Variants in DCPS observed in about 807,000 individuals in gnomAD.
The protein encoded by DCPS is decapping enzyme, scavenger.
A neutral mutation model predicts 34.7 loss-of-function variants in DCPS; 27 were observed. That is an observed-to-expected ratio of 0.78 (90% CI 0.57 to 1.07). The LOEUF is 1.07. Ranked by LOEUF, DCPS falls within the 50% of genes least tolerant of loss-of-function variation. The probability of loss-of-function intolerance (pLI) is 0.00; values close to 1 mark genes in which losing one functional copy is unlikely to be tolerated. For missense variants in DCPS, 464 were observed against 436.9 expected (o/e 1.06, Z -0.55); for synonymous variants, 185 against 185.7 (o/e 1.00, Z 0.03).
rs1422837657 is a variant in DCPS at position 126,335,307 on chromosome 11, G to T, written c.523-2979G>T. On this transcript the variant is annotated intron_variant, in intron 3 of 5. Coordinates refer to ENST00000263579, the MANE Select transcript of DCPS (RefSeq NM_014026.6). This position sits in a 1 kb window ranked among gnomAD's most constrained non-coding sequence, Gnocchi z 4.8. ...ACTGCAAAGAAGTCCAGCCAGGTGAGTTGCAGAAAGCTGATGGCATCACCC... is the reference window on the plus strand; with the variant it reads ...ACTGCAAAGAAGTCCAGCCAGGTGATTTGCAGAAAGCTGATGGCATCACCC... 6.6e-6 allele frequency among the ~76,000 whole-genome samples: 1 copy of T among 152,256 alleles called. No individual in the cohort carries two copies. Among genetic ancestry groups the T allele is most frequent in the Non-Finnish European group, 1.5e-5 (1 of 68,042 alleles).
intron 5 of DCPS, among the ~76,000 whole-genome samples, chr11:126,343,916 A>G (rs1951896991): frequency 6.6e-6 from 1 of 152,204 alleles, no homozygotes; most frequent in South Asian, 2.1e-4. Context: ...TCGGGGCTCT[A>G]AACAGAGCCC....
chr11:126,327,873 T>G lies in DCPS; in HGVS notation c.377-3532T>G, dbSNP rs1324633083. On this transcript the variant is annotated intron_variant, in intron 2 of 5. Coordinates refer to ENST00000263579, the MANE Select transcript of DCPS (RefSeq NM_014026.6). The surrounding 1 kb of genome is among the most constrained non-coding windows in gnomAD (Gnocchi z 4.1). ...TTTTCTTCCGGAAGCTGCATAGTAGTTGGGGAGTCAGACAGTCCATCCACC... is the reference window on the plus strand; with the variant it reads ...TTTTCTTCCGGAAGCTGCATAGTAGGTGGGGAGTCAGACAGTCCATCCACC... Among the ~76,000 whole-genome samples the G allele has an allele frequency of 6.6e-6, 1 of 152,212 alleles. No individual in the cohort carries two copies. The highest frequency in any genetic ancestry group is 1.9e-4 in the East Asian group (1 of 5,200).
chr11:126,318,408 G>A lies in DCPS; in HGVS notation c.376+11664G>A, dbSNP rs533952859. Among the ~76,000 whole-genome samples, 8 of 152,320 alleles carry A rather than the reference G, an allele frequency of 5.3e-5. No homozygotes were observed. The East Asian group carries it at 1.5e-3, about 29-fold the overall frequency. On this transcript the variant is annotated intron_variant, in intron 2 of 5. Transcript: ENST00000263579. ...GATGACTTAAGATCCACGGCAGCCA[G>A]CCTTCCCTCCACCCTCTGGCCTGGT...
intron 1 of DCPS, among the ~76,000 whole-genome samples, chr11:126,306,291 T>C (rs1951564804): frequency 6.6e-6 from 1 of 152,020 alleles, no homozygotes; most frequent in Non-Finnish European, 1.5e-5. Flanking sequence ...GAGAATTGTT[T>C]GAGCCCAGGA....
chr11:126,344,499 T>C lies in DCPS; in HGVS notation c.748-848T>C, dbSNP rs1284928929. Among the ~76,000 whole-genome samples, 1 of 152,152 alleles carries C rather than the reference T, an allele frequency of 6.6e-6. No homozygotes were observed. The highest frequency in any genetic ancestry group is 6.5e-5 in the Admixed American group (1 of 15,276). On this transcript the variant is annotated intron_variant, in intron 5 of 5. Coordinates refer to ENST00000263579, the MANE Select transcript of DCPS (RefSeq NM_014026.6). This position sits in a 1 kb window ranked among gnomAD's most constrained non-coding sequence, Gnocchi z 8.1. ...TACTCCAGGAAGCCCCTCGGGTGCC[T>C]TGGCCCTGGTCTCGCCCCGCTGCAG...
rs76667195 is a variant in DCPS at position 126,345,276 on chromosome 11, C to A, written c.748-71C>A. 18 of 1,584,286 alleles carry A rather than the reference C, an allele frequency of 1.1e-5. No individual in the cohort carries two copies. In the African/African-American group the frequency reaches 2.0e-4, roughly 18 times the overall value. On this transcript the variant is annotated intron_variant, in intron 5 of 5. Coordinates refer to ENST00000263579, the MANE Select transcript of DCPS (RefSeq NM_014026.6). This position sits in a 1 kb window ranked among gnomAD's most constrained non-coding sequence, Gnocchi z 7.4. ...TCCAGGATTCAGATGGGAGGAGGGTCTAGGTGGGGACATGGCGCCGGGCCT... is the reference window on the plus strand; with the variant it reads ...TCCAGGATTCAGATGGGAGGAGGGTATAGGTGGGGACATGGCGCCGGGCCT...
At position 126,322,906 on chromosome 11, in the gene DCPS, C is replaced by G. The variant is rs1951718361; in HGVS notation, c.377-8499C>G. 6.6e-6 allele frequency among the ~76,000 whole-genome samples: 1 copy of G among 152,232 alleles called. No individual in the cohort carries two copies. The highest frequency in any genetic ancestry group is 6.5e-5 in the Admixed American group (1 of 15,280). ...CCAGTGGTACAGTCATAGCTCATGG[C>G]AGCCTCAAACTCCCGAGTTCAAGTG... On this transcript the variant is annotated intron_variant, in intron 2 of 5. Coordinates refer to ENST00000263579, the MANE Select transcript of DCPS (RefSeq NM_014026.6). This position sits in a 1 kb window ranked among gnomAD's most constrained non-coding sequence, Gnocchi z 4.2.
At position 126,347,188 on chromosome 11, in the gene DCPS, C is replaced by T. The variant is rs1591395462; in HGVS notation, c.*1575C>T. On this transcript the variant is annotated 3_prime_UTR_variant, in exon 6 of 6. Coordinates refer to ENST00000263579, the MANE Select transcript of DCPS (RefSeq NM_014026.6). This position sits in a 1 kb window ranked among gnomAD's most constrained non-coding sequence, Gnocchi z 4.2. Reference sequence around the variant, plus strand: ...GAGTTCAGATGAGGCACAATGAAGCCACTGGCCTCCACTCAGCCATTCTTC... The same window carrying T: ...GAGTTCAGATGAGGCACAATGAAGCTACTGGCCTCCACTCAGCCATTCTTC... 6.6e-6 allele frequency among the ~76,000 whole-genome samples: 1 copy of T among 151,038 alleles called. No individual in the cohort carries two copies.
intron 2 of DCPS, among the ~76,000 whole-genome samples, chr11:126,330,147 C>G (rs889152983): frequency 3.9e-5 from 6 of 152,156 alleles, no homozygotes; most frequent in African/African-American, 1.4e-4. Flanking sequence ...AGACATCCTT[C>G]TAGTTTAAAA....
chr11:126,345,801 G>A lies in DCPS; in HGVS notation c.*188G>A. 2.4e-6 allele frequency: 2 copies of A among 844,858 alleles called. No homozygotes were observed. The highest frequency in any genetic ancestry group is 3.6e-5 in the South Asian group (2 of 55,934). 52.3% of individuals were successfully genotyped at this position (844,858 alleles called of 1,614,324 possible). ...GGCAGACAGATGGTGGGGGACAGTG[G>A]GTGGGTAGAACCTGTGGGAAGGCCT... On this transcript the variant is annotated 3_prime_UTR_variant, in exon 6 of 6. Coordinates refer to ENST00000263579, the MANE Select transcript of DCPS (RefSeq NM_014026.6). The surrounding 1 kb of genome is among the most constrained non-coding windows in gnomAD (Gnocchi z 7.4).
At chr11:126,308,112 A>G (rs1296017643) in intron 2 of DCPS, among the ~76,000 whole-genome samples, 2 of 152,218 alleles carry the variant, frequency 1.3e-5, no homozygotes, top group Admixed American at 1.3e-4. Context: ...CATTGCAAGC[A>G]TTTCTTAATT....
In DCPS at chr11:126,325,558, A is replaced by T. The variant is rs1048548137; in HGVS notation, c.377-5847A>T. Among the ~76,000 whole-genome samples, 5 of 152,212 alleles carry T rather than the reference A, an allele frequency of 3.3e-5. No individual in the cohort carries two copies. Among genetic ancestry groups the T allele is most frequent in the African/African-American group, 4.8e-5 (2 of 41,450 alleles). On this transcript the variant is annotated intron_variant, in intron 2 of 5. Coordinates refer to ENST00000263579, the MANE Select transcript of DCPS (RefSeq NM_014026.6). This position sits in a 1 kb window ranked among gnomAD's most constrained non-coding sequence, Gnocchi z 4.3. ...GAATTCTGGAAGTATATAACCAAAG[A>T]GGTGGCCAGAAGTGTTGAAAGTGGT...
chr11:126,316,233 A>G (rs1225869925), intron 2 of DCPS, among the ~76,000 whole-genome samples: 2 of 152,018 alleles, frequency 1.3e-5, no homozygotes, highest in East Asian at 1.9e-4. Flanking sequence ...AATCCATTAC[A>G]TCAAGCTTGT....
Position 126,331,107 on chromosome 11 carries a change from A to G in DCPS, c.377-298A>G, listed in dbSNP as rs1374469452. Among the ~76,000 whole-genome samples the G allele has an allele frequency of 1.3e-5, 2 of 152,112 alleles. No homozygotes were observed. The highest frequency in any genetic ancestry group is 1.3e-4 in the Admixed American group (2 of 15,276). On this transcript the variant is annotated intron_variant, in intron 2 of 5. Coordinates refer to ENST00000263579, the MANE Select transcript of DCPS (RefSeq NM_014026.6). The surrounding 1 kb of genome is among the most constrained non-coding windows in gnomAD (Gnocchi z 7.2). ...AAATTTGGTATGTGAGAAGAGTTAG[A>G]GACCTCTCATTCCTGTGCCTGGAAG...
At position 126,338,135 on chromosome 11, in the gene DCPS, C is replaced by A. The variant is rs1951847259; in HGVS notation, c.523-151C>A. On this transcript the variant is annotated intron_variant, in intron 3 of 5. Transcript: ENST00000263579. This position sits in a 1 kb window ranked among gnomAD's most constrained non-coding sequence, Gnocchi z 5.4. ...TAAGAACAGATGCTTGGGGACAGGG[C>A]AGCCCGGATGTAGATCCTCTGAGCG... 7 of 679,374 alleles carry A rather than the reference C, an allele frequency of 1.0e-5. No individual in the cohort carries two copies. The highest frequency in any genetic ancestry group is 2.4e-5 in the Admixed American group (1 of 41,608). 42.1% of individuals were successfully genotyped at this position (679,374 alleles called of 1,614,324 possible).
At chr11:126,307,114 G>C (rs1403943325) in intron 2 of DCPS, among the ~76,000 whole-genome samples, 1 of 152,046 alleles carries the variant, frequency 6.6e-6, no homozygotes, top group Non-Finnish European at 1.5e-5. Flanking sequence ...CAGATCACCT[G>C]AGGTCAGGAG....
chr11:126,325,308 C>G lies in DCPS; in HGVS notation c.377-6097C>G, dbSNP rs1017399983. ...CAGTGAACAGCATTTACATCATCAT[C>G]ATAGCATCAGTGTTGAATACTGATT... On this transcript the variant is annotated intron_variant, in intron 2 of 5. Transcript: ENST00000263579. This position sits in a 1 kb window ranked among gnomAD's most constrained non-coding sequence, Gnocchi z 4.3. 6.6e-6 allele frequency among the ~76,000 whole-genome samples: 1 copy of G among 152,198 alleles called. No homozygotes were observed. The highest frequency in any genetic ancestry group is 2.4e-5 in the African/African-American group (1 of 41,440).
At chr11:126,309,897 C>T (rs1392601918) in intron 2 of DCPS, among the ~76,000 whole-genome samples, 2 of 152,350 alleles carry the variant, frequency 1.3e-5, no homozygotes, top group African/African-American at 4.8e-5. Flanking sequence ...CCTTCTTCTT[C>T]TGCCTTTTCT....
rs1309547723 is a variant in DCPS at position 126,342,818 on chromosome 11, G to A, written c.637-489G>A. Reference sequence around the variant, plus strand: ...CTCTCTGCTGGGCGCGGTGGCTCACGCCTGTAATCCCAGCACTTTGGGAGG... The same window carrying A: ...CTCTCTGCTGGGCGCGGTGGCTCACACCTGTAATCCCAGCACTTTGGGAGG... On this transcript the variant is annotated intron_variant, in intron 4 of 5. Transcript: ENST00000263579. This position sits in a 1 kb window ranked among gnomAD's most constrained non-coding sequence, Gnocchi z 4.4. Among the ~76,000 whole-genome samples, 1 of 152,082 alleles carries A rather than the reference G, an allele frequency of 6.6e-6. No individual in the cohort carries two copies.
Sources: allele counts gnomAD v4.1 joint callset (sites outside exome capture counted in the v4.1 genomes callset), GRCh38; gene constraint gnomAD v4.1.1; non-coding constraint Gnocchi (gnomAD v3.1); transcripts MANE v1.5; gene names NCBI Gene and HGNC (gene_info 2026-07-23, HGNC 2026-07-21).